CDS1: variants seen among roughly 807,000 people sequenced by gnomAD.
The protein encoded by CDS1 is phosphatidate cytidylyltransferase 1.
In CDS1, 41 loss-of-function variants were observed where a neutral mutation model predicts 62.1. The ratio of observed to expected loss-of-function variants is 0.66; its 90% CI spans 0.51 to 0.86. The LOEUF is 0.86. Ranked by LOEUF, CDS1 falls within the 40% of genes least tolerant of loss-of-function variation. The probability of loss-of-function intolerance (pLI) is 0.00; values close to 1 mark genes in which losing one functional copy is unlikely to be tolerated. For missense variants in CDS1, 470 were observed against 550.1 expected, an observed-to-expected ratio of 0.85 and a Z score of 1.46; for synonymous variants, 185 against 192.6, an observed-to-expected ratio of 0.96 and a Z score of 0.32.
At chr4:84,599,630 G>GTATA (rs543750981) in intron 1 of CDS1, among the ~76,000 whole-genome samples, 31 of 150,030 alleles carry the variant, frequency 2.1e-4, no homozygotes, top group African/African-American at 6.8e-4. Context: ...ACGTGTGTGT[G>GTATA]TATATATATA....
Position 84,604,343 on chromosome 4 carries a change from A to G in CDS1, c.218A>G (p.Lys73Arg). 2 of 1,613,416 alleles carry G rather than the reference A, an allele frequency of 1.2e-6. No individual in the cohort carries two copies. The highest frequency in any genetic ancestry group is 1.3e-5 in the African/African-American group (1 of 75,018). Residue 73 changes from lysine to arginine, a missense_variant, in exon 2 of 13, where the codon AAA (lysine) becomes AGA (arginine). Around this residue, in one of 5 missense-constraint regions of CDS1, gnomAD observed 150 missense variants for 142.0 expected, o/e 1.06. Coordinates refer to ENST00000295887, the MANE Select transcript of CDS1 (RefSeq NM_001263.4). Reference protein sequence around the residue: ...PSSDRTPEILKKALSGLSSRW... With the variant: ...PSSDRTPEILRKALSGLSSRW... ...TCAGATAGAACCCCTGAGATTCTCA[A>G]AAAAGCTCTATCTGGTTTATCTTCA...
intron 1 of CDS1, among the ~76,000 whole-genome samples, chr4:84,600,773 C>T (rs1247213201): frequency 6.6e-6 from 1 of 152,126 alleles, no homozygotes; most frequent in East Asian, 1.9e-4. Context: ...ATGTTCTTTG[C>T]ATTTTCATAG....
chr4:84,612,988 C>CAA (rs779175772), intron 3 of CDS1, among the ~76,000 whole-genome samples: 3 of 60,584 alleles, frequency 5.0e-5, no homozygotes, highest in African/African-American at 1.3e-4. Context: ...GATCCTGTCT[C>CAA]AAAAAAAAAA....
chr4:84,635,628 TTCCTTCCTTCCTTCCTTCC>T (rs1724171955), intron 8 of CDS1, among the ~76,000 whole-genome samples: 1 of 61,140 alleles, frequency 1.6e-5, no homozygotes, highest in Non-Finnish European at 3.4e-5. Flanking sequence ...CCTGCCTGCC[TTCCTTCCTTCCTTCCTTCC>T]TTCCTTCCTT....
At chr4:84,615,277 C>T (rs1375124056) in intron 3 of CDS1, among the ~76,000 whole-genome samples, 1 of 152,060 alleles carries the variant, frequency 6.6e-6, no homozygotes, top group African/African-American at 2.4e-5. Flanking sequence ...ACTCCGCTAC[C>T]ACTTCACCTG....
intron 1 of CDS1, among the ~76,000 whole-genome samples, chr4:84,591,618 T>G (rs1301831375): frequency 6.6e-6 from 1 of 152,210 alleles, no homozygotes; most frequent in African/African-American, 2.4e-5. Flanking sequence ...AAATACTTGC[T>G]TATACTTAAT....
intron 1 of CDS1, among the ~76,000 whole-genome samples, chr4:84,600,610 G>A (rs188840662): frequency 4.5e-4 from 69 of 152,172 alleles, no homozygotes; most frequent in Admixed American, 1.6e-3. Flanking sequence ...TATGTATGTA[G>A]GTTTATTTAT....
At chr4:84,604,774 T>A (rs1437714359) in intron 2 of CDS1, among the ~76,000 whole-genome samples, 1 of 152,150 alleles carries the variant, frequency 6.6e-6, no homozygotes, top group Non-Finnish European at 1.5e-5. Flanking sequence ...TTTTTTCTTT[T>A]TTCTTTTCTT....
chr4:84,642,050 G>A (rs925847104), intron 10 of CDS1, among the ~76,000 whole-genome samples: 1 of 152,098 alleles, frequency 6.6e-6, no homozygotes, highest in Non-Finnish European at 1.5e-5. Context: ...TGTCTCAGCC[G>A]GGCACATTGG....
chr4:84,592,474 A>G (rs556704511), intron 1 of CDS1, among the ~76,000 whole-genome samples: 1 of 152,096 alleles, frequency 6.6e-6, no homozygotes, highest in African/African-American at 2.4e-5. Flanking sequence ...TGCCCAGCCA[A>G]CCAATTGGTT....
At chr4:84,583,643 C>T in intron 1 of CDS1, 125 bp downstream of exon 1, 1 of 579,802 alleles carries the variant, frequency 1.7e-6, no homozygotes, top group South Asian at 2.2e-5. Flanking sequence ...GGTGCACCTT[C>T]CTCCCTGCCT....
At chr4:84,620,179 A>G (rs904389317) in intron 5 of CDS1, among the ~76,000 whole-genome samples, 2 of 151,282 alleles carry the variant, frequency 1.3e-5, no homozygotes, top group Non-Finnish European at 2.9e-5. Flanking sequence ...TCCCTAGGAA[A>G]TAGAGCTTTT....
intron 3 of CDS1, among the ~76,000 whole-genome samples, chr4:84,613,817 T>A (rs958364036): frequency 6.6e-6 from 1 of 152,048 alleles, no homozygotes; most frequent in African/African-American, 2.4e-5. Flanking sequence ...AGAGGTTTTT[T>A]CCCCCCCTGC....
At chr4:84,636,472 A>G (rs1179413220) in intron 8 of CDS1, among the ~76,000 whole-genome samples, 2 of 152,170 alleles carry the variant, frequency 1.3e-5, no homozygotes, top group African/African-American at 4.8e-5. Context: ...ATGGAAATCA[A>G]ATCATTTTCT....
intron 1 of CDS1, among the ~76,000 whole-genome samples, chr4:84,592,712 A>T (rs1722629716): frequency 6.6e-6 from 1 of 152,204 alleles, no homozygotes; most frequent in African/African-American, 2.4e-5. Flanking sequence ...ATGGAAATTT[A>T]TAGCTGCTTT....
intron 1 of CDS1, among the ~76,000 whole-genome samples, chr4:84,592,797 C>T (rs1271209771): frequency 6.6e-6 from 1 of 152,106 alleles, no homozygotes; most frequent in Non-Finnish European, 1.5e-5. Context: ...CTTTATTTGC[C>T]GGAACCCATG....
At chr4:84,585,572 T>C (rs1481651599) in intron 1 of CDS1, among the ~76,000 whole-genome samples, 4 of 152,216 alleles carry the variant, frequency 2.6e-5, no homozygotes, top group Non-Finnish European at 4.4e-5. Flanking sequence ...CCCTGTTCAG[T>C]TGCAGTAAAG....
In CDS1 at chr4:84,604,253, T is replaced by A; in HGVS notation, c.128T>A (p.Ile43Asn). The A allele has an allele frequency of 6.2e-7, 1 of 1,608,966 alleles. No individual in the cohort carries two copies. Among genetic ancestry groups the A allele is most frequent in the East Asian group, 2.2e-5 (1 of 44,784 alleles). ...TESTSDKETD[I>N]DDRYGDLDSR... ...TCTTTTTAATTTTAGGAAACAGATA[T>A]TGATGACAGATATGGAGATTTGGAT... The change falls in exon 2 of 13, where the codon ATT becomes AAT. Residue 43 changes from isoleucine to asparagine, a missense_variant. Transcript: ENST00000295887.
intron 1 of CDS1, among the ~76,000 whole-genome samples, chr4:84,602,457 A>G (rs1464467199): frequency 6.6e-6 from 1 of 152,150 alleles, no homozygotes; most frequent in Non-Finnish European, 1.5e-5. Context: ...TATTTTATAA[A>G]TAAGGAAACC....
Sources: gnomAD v4.1 joint callset for allele counts (sites outside exome capture counted in the v4.1 genomes callset) on GRCh38, gnomAD v4.1.1 for gene constraint, gnomAD v4.1.1 regional missense constraint, MANE v1.5 for transcripts, NCBI Gene and HGNC (gene_info 2026-07-23, HGNC 2026-07-21) for gene names.